LAMA5: variants seen among roughly 807,000 people sequenced by gnomAD.
LAMA5 encodes laminin subunit alpha 5, also known as laminin subunit alpha-5.
LAMA5 carries 260 observed loss-of-function variants against 433.4 expected under a neutral mutation model. The observed-to-expected ratio is 0.60, with a 90% CI of 0.54 to 0.66. The LOEUF is 0.66. Ranked by LOEUF, LAMA5 falls within the 30% of genes least tolerant of loss-of-function variation. LAMA5 has a pLI of 0.00. For missense variants in LAMA5, 5,378 were observed against 5,258.5 expected (o/e 1.02, Z -0.70); for synonymous variants, 2,620 against 2,226.6 (o/e 1.18, Z -4.97).
chr20:62,364,703 C>G (rs1986528112), intron 1 of LAMA5, among the ~76,000 whole-genome samples: 1 of 152,258 alleles, frequency 6.6e-6, no homozygotes, highest in Non-Finnish European at 1.5e-5. Context: ...TGATGCCCAC[C>G]TGGGGCTGTG....
intron 1 of LAMA5, among the ~76,000 whole-genome samples, chr20:62,366,612 G>A (rs1052657106): frequency 5.3e-5 from 8 of 152,236 alleles, no homozygotes; most frequent in African/African-American, 1.4e-4. Flanking sequence ...AGGCGGCGGA[G>A]GCCAAGTCCC....
chr20:62,313,740 C>A lies in LAMA5; in HGVS notation c.8567G>T (p.Gly2856Val), dbSNP rs771283593. The change falls in exon 63 of 80, where the codon GGT (glycine) becomes GTT (valine). Residue 2856 changes from glycine (G) to valine (V), a missense_variant. Physicochemically the swap from Gly to Val is moderately radical, Grantham distance 109 (BLOSUM62 -3). Coordinates refer to ENST00000252999, the MANE Select transcript of LAMA5 (RefSeq NM_005560.6). Reference protein sequence around the residue: ...VERQMIQETKGDTVAPGAEGL... With the variant: ...VERQMIQETKVDTVAPGAEGL... ...CTCTGCCCCAGGGGCCACCGTGTCACCCTTGGTTTCCTGGATCATCTGTCT... is the reference window on the plus strand; with the variant it reads ...CTCTGCCCCAGGGGCCACCGTGTCAACCTTGGTTTCCTGGATCATCTGTCT... 6.2e-7 allele frequency: 1 copy of A among 1,612,968 alleles called. No homozygotes were observed. Among genetic ancestry groups the A allele is most frequent in the South Asian group, 1.1e-5 (1 of 91,084 alleles).
intron 18 of LAMA5, among the ~76,000 whole-genome samples, 187 bp from the exon 19 acceptor site, chr20:62,335,456 C>T (rs1021752148): frequency 1.3e-5 from 2 of 149,190 alleles, no homozygotes; most frequent in African/African-American, 5.0e-5. Context: ...CCAAGGAACC[C>T]CTATACCCCA....
In LAMA5 at chr20:62,318,575, C is replaced by A. The variant is rs148907937; in HGVS notation, c.7118G>T (p.Arg2373Leu). 1 of 1,610,480 alleles carries A rather than the reference C, an allele frequency of 6.2e-7. No individual in the cohort carries two copies. The highest frequency in any genetic ancestry group is 1.7e-5 in the Admixed American group (1 of 59,894). Reference sequence around the variant, plus strand: ...GAGGCCGGCCTCGTGCTGGGCCAGCCGGTCGCGGGTTTGTGTGGCCAGTGC... The same window carrying A: ...GAGGCCGGCCTCGTGCTGGGCCAGCAGGTCGCGGGTTTGTGTGGCCAGTGC... The part of the protein sequence containing the change: ...NQALATQTRD[R>L]LAQHEAGLMD... The change falls in exon 53 of 80, where the codon CGG becomes CTG. Residue 2373 changes from arginine to leucine, a missense_variant. By Grantham distance (102) the Arg-to-Leu change is moderately radical. Coordinates refer to ENST00000252999, the MANE Select transcript of LAMA5 (RefSeq NM_005560.6).
chr20:62,312,338 G>A (rs778969614), intron 68 of LAMA5, 22 bp from the exon 69 acceptor site: 20 of 1,603,868 alleles, frequency 1.2e-5, no homozygotes, highest in African/African-American at 1.3e-5. Flanking sequence ...CCATCCCTGA[G>A]TGCCCGCGGG....
At position 62,315,079 on chromosome 20, in the gene LAMA5, C is replaced by T; in HGVS notation, c.7996G>A (p.Gly2666Ser). ...NVERWQGQYE[G>S]LRGQDLGQAV... ...TGGCCCAGGTCCTGGCCCCGCAGGC[C>T]CTCGTACTGGCCCTGCCACCGCTCC... is the stretch of plus-strand genomic sequence containing the variant. Residue 2666 changes from glycine (G) to serine (S), a missense_variant, in exon 59 of 80, where the codon GGC becomes AGC. By Grantham distance (56) the Gly-to-Ser change is moderately conservative. Coordinates refer to ENST00000252999, the MANE Select transcript of LAMA5 (RefSeq NM_005560.6). The T allele has an allele frequency of 6.2e-7, 1 of 1,603,298 alleles. No homozygotes were observed. The highest frequency in any genetic ancestry group is 1.7e-5 in the Admixed American group (1 of 59,912).
At chr20:62,315,338 C>CCGCT (rs892052078) in intron 58 of LAMA5, 131 bp from the exon 59 acceptor site, 1 of 751,442 alleles carries the variant, frequency 1.3e-6, no homozygotes, top group Admixed American at 2.9e-5. Flanking sequence ...CCCTCACACC[C>CCGCT]CGCTGCTCAG....
rs539332209 is a variant in LAMA5 at position 62,336,758 on chromosome 20, G to T, written c.2193C>A (p.Ala731=). Residue 731 remains alanine, a synonymous_variant, in exon 17 of 80, where the codon GCC becomes GCA. Transcript: ENST00000252999. ...EAGSCHPAGL[A]PVDPALPEAQ... is the part of the protein sequence containing the mutation. ...CCTCAGGAAGGGCAGGATCCACTGGGGCCAGACCGGCAGGGTGGCAAGAGC... is the reference window on the plus strand; with the variant it reads ...CCTCAGGAAGGGCAGGATCCACTGGTGCCAGACCGGCAGGGTGGCAAGAGC... The T allele has an allele frequency of 6.2e-7, 1 of 1,612,938 alleles. No homozygotes were observed. The highest frequency in any genetic ancestry group is 8.5e-7 in the Non-Finnish European group (1 of 1,180,002).
chr20:62,358,206 C>T (rs1187269846), intron 2 of LAMA5, among the ~76,000 whole-genome samples: 2 of 152,296 alleles, frequency 1.3e-5, no homozygotes, highest in Admixed American at 6.5e-5. Flanking sequence ...GGAGCGGCCC[C>T]ATCCCCACCT....
rs542537298 is a variant in LAMA5, at chr20:62,352,585, C to T, written c.569-225G>A. Among the ~76,000 whole-genome samples the T allele has an allele frequency of 1.1e-4, 17 of 152,228 alleles. No individual in the cohort carries two copies. The East Asian group carries it at 2.3e-3, about 21-fold the overall frequency. ...CGCTTTGAGTGCGAGTGACCCCCCT[C>T]GACGACCATCCTCACCCCCTTCCTT... On this transcript the variant is annotated intron_variant, in intron 3 of 79. Coordinates refer to ENST00000252999, the MANE Select transcript of LAMA5 (RefSeq NM_005560.6).
At chr20:62,344,183 T>C (rs1462482315) in intron 11 of LAMA5, among the ~76,000 whole-genome samples, 1 of 141,790 alleles carries the variant, frequency 7.1e-6, no homozygotes, top group Non-Finnish European at 1.5e-5. Flanking sequence ...TCAAATACAA[T>C]CTAAGTCTAA....
chr20:62,313,377 G>GT lies in LAMA5; in HGVS notation c.8741dup (p.Asn2914LysfsTer90). 1 of 1,597,600 alleles carries GT rather than the reference G, an allele frequency of 6.3e-7. No individual in the cohort carries two copies. Among genetic ancestry groups the GT allele is most frequent in the Non-Finnish European group, 8.5e-7 (1 of 1,172,852 alleles). ...TGTCCAGCTGGAAGGTCCTCTCGAA[G>GT]TTGTAGAGGCTGACCACCTCCTCAT... is the stretch of plus-strand genomic sequence containing the variant. On this transcript the variant is annotated frameshift_variant, in exon 64 of 80. Transcript: ENST00000252999. LOFTEE classifies it high-confidence loss of function.
chr20:62,310,238 G>A lies in LAMA5; in HGVS notation c.10674C>T (p.Ile3558=), dbSNP rs779354485. The A allele has an allele frequency of 3.1e-6, 5 of 1,612,544 alleles. No homozygotes were observed. In the East Asian group the frequency reaches 8.9e-5, roughly 29 times the overall value. ...GCGTCCGGGCCTGGCCCAAGTGGAA[G>A]ATCAGTCCGGTGACTGCCAGGGGCC... ...EVRPLAVTGL[I]FHLGQARTPP... The change falls in exon 77 of 80, where the codon ATC becomes ATT. Residue 3558 remains isoleucine, a synonymous_variant. Coordinates refer to ENST00000252999, the MANE Select transcript of LAMA5 (RefSeq NM_005560.6).
At position 62,311,409 on chromosome 20, in the gene LAMA5, C is replaced by A. The variant is rs774270130; in HGVS notation, c.9934G>T (p.Ala3312Ser). ...GLGPRGLQAT[A>S]RKASRRSRQP... is the part of the protein sequence containing the mutation. The stretch of plus-strand genomic sequence containing the variant: ...ACCCCTGGGGTGCCCACCTTCCGGG[C>A]GGTGGCCTGCAGTCCTCTAGGCCCC... The change falls in exon 72 of 80, where the codon GCC (alanine) becomes TCC (serine). Residue 3312 changes from alanine to serine, a missense_variant. By Grantham distance (99) the Ala-to-Ser change is moderately conservative (BLOSUM62 1). Coordinates refer to ENST00000252999, the MANE Select transcript of LAMA5 (RefSeq NM_005560.6). 1.3e-6 allele frequency: 2 copies of A among 1,564,738 alleles called. No individual in the cohort carries two copies. The highest frequency in any genetic ancestry group is 1.7e-4 in the Middle Eastern group (1 of 5,860).
rs375991554 is a variant in LAMA5 at position 62,311,809 on chromosome 20, C to T, written c.9636-25G>A. The stretch of plus-strand genomic sequence containing the variant: ...TCTGGGGGGCGGGAGGCCGGAGGCT[C>T]GGTTTTTCCCCACCCTGCCCACCCC... On this transcript the variant is annotated intron_variant, in intron 70 of 79. Coordinates refer to ENST00000252999, the MANE Select transcript of LAMA5 (RefSeq NM_005560.6). 1.2e-5 allele frequency: 19 copies of T among 1,558,096 alleles called. No homozygotes were observed. The East Asian group carries it at 1.6e-4, about 13-fold the overall frequency.
In LAMA5 at chr20:62,333,218, G is replaced by T. The variant is rs756386272; in HGVS notation, c.3154C>A (p.Leu1052Met). ...DNCLLYTHLP[L>M]DGFPSAAGLE... ...CCGGCGGCCGAGGGGAAGCCATCCA[G>T]GGGGAGGTGTGTGTAGAGGAGGCAG... The change falls in exon 26 of 80, where the codon CTG becomes ATG. Residue 1052 changes from leucine to methionine, a missense_variant. Transcript: ENST00000252999. The T allele has an allele frequency of 6.5e-7, 1 of 1,530,616 alleles. No individual in the cohort carries two copies. Among genetic ancestry groups the T allele is most frequent in the Non-Finnish European group, 8.8e-7 (1 of 1,137,958 alleles). The allele number at this position is 1,530,616 out of a possible 1,614,324, so 94.8% of individuals were successfully genotyped here.
In LAMA5 at chr20:62,312,313, C is replaced by G. The variant is rs987931952; in HGVS notation, c.9364G>C (p.Gly3122Arg). ...SAGCTADLLV[G>R]RAMTFHGHGF... ...TGGCCATGGAAAGTCATGGCGCGCCCCACCTGCGGGGAGGCCATCCCTGAG... is the reference window on the plus strand; with the variant it reads ...TGGCCATGGAAAGTCATGGCGCGCCGCACCTGCGGGGAGGCCATCCCTGAG... The change falls in exon 69 of 80, where the codon GGG (glycine) becomes CGG (arginine). Residue 3122 changes from glycine to arginine, a missense_variant. Transcript: ENST00000252999. 6.2e-7 allele frequency: 1 copy of G among 1,609,176 alleles called. No homozygotes were observed. The highest frequency in any genetic ancestry group is 1.7e-5 in the Admixed American group (1 of 59,796).
chr20:62,354,327 TTCCCTCCCTCCCTCCC>T (rs35449507), intron 2 of LAMA5, among the ~76,000 whole-genome samples: 10,059 of 109,854 alleles, frequency 0.092, 495 homozygotes, highest in South Asian at 0.24. Flanking sequence ...CAGCCTGGGC[TTCCCTCCCTCCCTCCC>T]TCCCTCCCTC....
chr20:62,352,350 C>T lies in LAMA5; in HGVS notation c.579G>A (p.Arg193=). ...QPWQFFASSK[R]DCLERFGPQT... is the part of the protein sequence containing the mutation. ...GTGGCCCGAACCGCTCCAGACAGTC[C>T]CTCTTGGAGGCTGCGGGGAATGGCG... Residue 193 remains arginine, a synonymous_variant, in exon 4 of 80, where the codon AGG becomes AGA. Coordinates refer to ENST00000252999, the MANE Select transcript of LAMA5 (RefSeq NM_005560.6). 6.3e-7 allele frequency: 1 copy of T among 1,598,734 alleles called. No individual in the cohort carries two copies. Among genetic ancestry groups the T allele is most frequent in the Middle Eastern group, 1.7e-4 (1 of 6,058 alleles).
Sources: gnomAD v4.1 joint callset for allele counts (sites outside exome capture counted in the v4.1 genomes callset) on GRCh38, gnomAD v4.1.1 for gene constraint, MANE v1.5 for transcripts, NCBI Gene and HGNC (gene_info 2026-07-23, HGNC 2026-07-21) for gene names.